Variants in HPSE2 observed in about 807,000 individuals in gnomAD.
The protein encoded by HPSE2 is inactive heparanase-2.
In HPSE2, 38 loss-of-function variants were observed where a neutral mutation model predicts 60.5. That is an observed-to-expected ratio of 0.63 (90% confidence interval 0.48 to 0.82). HPSE2 has a LOEUF of 0.82. Among genes scored for constraint, HPSE2 ranks in the 40% least tolerant of loss-of-function variants. The pLI is 0.00. For missense variants in HPSE2, 713 were observed against 740.4 expected (o/e 0.96, Z 0.43); for synonymous variants, 295 against 293.2 (o/e 1.01, Z -0.06).
At chr10:98,823,607 G>A (rs1232342569) in intron 3 of HPSE2, among the ~76,000 whole-genome samples, 1 of 152,058 alleles carries the variant, frequency 6.6e-6, no homozygotes, top group African/African-American at 2.4e-5. Flanking sequence ...GCCTGGTGAC[G>A]AAGCAAGACC....
intron 10 of HPSE2, among the ~76,000 whole-genome samples, chr10:98,483,299 C>T (rs750335975): frequency 1.3e-5 from 2 of 152,168 alleles, no homozygotes; most frequent in Non-Finnish European, 2.9e-5. Flanking sequence ...CATTAATGAA[C>T]ATCTTAAACA....
chr10:99,197,264 G>A (rs1848432651), intron 2 of HPSE2, among the ~76,000 whole-genome samples: 1 of 152,042 alleles, frequency 6.6e-6, no homozygotes, highest in Non-Finnish European at 1.5e-5. Context: ...GATGGTTAAT[G>A]GGTACAAAAA....
chr10:98,573,883 G>T (rs1243352963), intron 9 of HPSE2, among the ~76,000 whole-genome samples: 2 of 152,168 alleles, frequency 1.3e-5, no homozygotes. Context: ...TTATACAGCT[G>T]TATTGAGATA....
intron 9 of HPSE2, among the ~76,000 whole-genome samples, chr10:98,558,659 G>A (rs74156636): frequency 1.3e-5 from 2 of 152,136 alleles, no homozygotes; most frequent in Admixed American, 6.5e-5. Context: ...GTAATATTCC[G>A]ACACTTGATC....
At chr10:98,935,488 A>T (rs1398123675) in intron 3 of HPSE2, among the ~76,000 whole-genome samples, 1 of 142,826 alleles carries the variant, frequency 7.0e-6, no homozygotes, top group Admixed American at 7.0e-5. Flanking sequence ...TTTTTTGTTG[A>T]TGTTGATTTT....
intron 5 of HPSE2, among the ~76,000 whole-genome samples, chr10:98,697,572 G>C (rs963887123): frequency 6.6e-6 from 1 of 152,088 alleles, no homozygotes; most frequent in African/African-American, 2.4e-5. Flanking sequence ...AAACCAAGTT[G>C]GAAAACACAC....
chr10:98,849,523 A>G (rs1279709729), intron 3 of HPSE2, among the ~76,000 whole-genome samples: 1 of 152,210 alleles, frequency 6.6e-6, no homozygotes, highest in Middle Eastern at 3.2e-3. Flanking sequence ...TATGCAAGAA[A>G]TCTATCTGAA....
the HPSE2 span, among the ~76,000 whole-genome samples, chr10:99,289,190 T>G: frequency 6.6e-6 from 1 of 152,132 alleles, no homozygotes; most frequent in Non-Finnish European, 1.5e-5. Context: ...CCATCCACAG[T>G]GCAACAGATT....
At chr10:98,688,365 C>T (rs1281056839) in intron 6 of HPSE2, among the ~76,000 whole-genome samples, 1 of 151,646 alleles carries the variant, frequency 6.6e-6, no homozygotes. Context: ...TTATATTTAG[C>T]CACAAATGTA....
chr10:98,971,287 T>A (rs1955945671), intron 3 of HPSE2, among the ~76,000 whole-genome samples: 1 of 152,202 alleles, frequency 6.6e-6, no homozygotes, highest in Non-Finnish European at 1.5e-5. Flanking sequence ...ATTCTGTTGT[T>A]GTTATGACAT....
chr10:98,876,623 T>C (rs1399481655), intron 3 of HPSE2, among the ~76,000 whole-genome samples: 1 of 151,928 alleles, frequency 6.6e-6, no homozygotes, highest in Admixed American at 6.6e-5. Context: ...CCTAACTCTA[T>C]GCAGACTGAG....
At chr10:99,239,595 A>T (rs1415157080), upstream of HPSE2, among the ~76,000 whole-genome samples, 3 of 151,570 alleles carry the variant, frequency 2.0e-5, no homozygotes, top group Non-Finnish European at 4.4e-5. Context: ...ACGCGCAGCT[A>T]ATTTTTTGTA....
intron 6 of HPSE2, among the ~76,000 whole-genome samples, chr10:98,651,566 C>T (rs971101281): frequency 1.6e-4 from 24 of 152,102 alleles, no homozygotes; most frequent in South Asian, 6.2e-4. Flanking sequence ...CCTAAAATAT[C>T]GTATTTTTTT....
intron 3 of HPSE2, among the ~76,000 whole-genome samples, chr10:98,889,148 G>A (rs1326355572): frequency 6.6e-6 from 1 of 151,940 alleles, no homozygotes; most frequent in African/African-American, 2.4e-5. Flanking sequence ...AAATGAACCA[G>A]TAGTGAAGTT....
the HPSE2 span, among the ~76,000 whole-genome samples, chr10:99,303,309 T>C: frequency 6.6e-6 from 1 of 152,166 alleles, no homozygotes; most frequent in Non-Finnish European, 1.5e-5. Flanking sequence ...TCCATTTGAA[T>C]TCACTCATGG....
intron 3 of HPSE2, among the ~76,000 whole-genome samples, chr10:98,820,622 C>T (rs1489170046): frequency 6.6e-6 from 1 of 152,164 alleles, no homozygotes; most frequent in African/African-American, 2.4e-5. Flanking sequence ...CCTTAAGGTA[C>T]CCCAATCATC....
In HPSE2 at chr10:98,862,659, T is replaced by A. The variant is rs751437626; in HGVS notation, c.611-118603A>T. On this transcript the variant is annotated intron_variant, in intron 3 of 11. Coordinates refer to ENST00000370552, the MANE Select transcript of HPSE2 (RefSeq NM_021828.5). ...CTATAGAAGCTTTTGGGATAAAACA[T>A]CGGAATTGTACATGAAGCCCCAAAA... 6.4e-4 allele frequency among the ~76,000 whole-genome samples: 98 copies of A among 152,128 alleles called. 1 individual carries two copies. The highest frequency in any genetic ancestry group is 2.5e-4 in the Non-Finnish European group (17 of 68,024).
intron 3 of HPSE2, among the ~76,000 whole-genome samples, chr10:98,768,911 C>T (rs112897944): frequency 3.9e-4 from 60 of 152,184 alleles, no homozygotes; most frequent in Admixed American, 1.0e-3. Flanking sequence ...ATTAGCCAGG[C>T]TGGTGGCAAG....
rs1352763571 is a variant in HPSE2 at position 98,933,640 on chromosome 10, T to C, written c.611-189584A>G. Among the ~76,000 whole-genome samples the C allele has an allele frequency of 1.9e-4, 27 of 144,176 alleles. 9 individuals are homozygous for C. Among genetic ancestry groups the C allele is most frequent in the African/African-American group, 7.0e-4 (25 of 35,524 alleles). 94.6% of individuals were successfully genotyped at this position (144,176 alleles called of 152,430 possible). A position where few individuals can be genotyped will look rare whatever the true frequency, so the allele number is the denominator to read the frequency against. ...TGTTTTATGAATCTGGGGGCTCCTG[T>C]ATTGGGTGCATATATATTTAGGGTA... On this transcript the variant is annotated intron_variant, in intron 3 of 11. Coordinates refer to ENST00000370552, the MANE Select transcript of HPSE2 (RefSeq NM_021828.5).
Sources: allele counts gnomAD v4.1 joint callset (sites outside exome capture counted in the v4.1 genomes callset), GRCh38; gene constraint gnomAD v4.1.1; transcripts MANE v1.5; gene names NCBI Gene and HGNC (gene_info 2026-07-23, HGNC 2026-07-21).